Variants in LINC00305 observed in about 807,000 individuals in gnomAD.
LINC00305 encodes long independently transcribed non-coding RNA 305.
intron 3 of LINC00305, among the ~76,000 whole-genome samples, chr18:64,095,775 C>T (rs563633260): frequency 2.8e-4 from 43 of 152,094 alleles, no homozygotes; most frequent in African/African-American, 9.6e-4. Context: ...TCGATATATA[C>T]ATAATCAATG....
chr18:64,146,242 C>T (rs771004116), intron 1 of LINC00305, among the ~76,000 whole-genome samples: 2 of 152,078 alleles, frequency 1.3e-5, no homozygotes, highest in Admixed American at 6.6e-5. Flanking sequence ...TCCACCATAG[C>T]ACAGATTGTT....
At chr18:64,099,788 A>C (rs2144238962) in intron 1 of LINC00305, among the ~76,000 whole-genome samples, 1 of 152,250 alleles carries the variant, frequency 6.6e-6, no homozygotes, top group African/African-American at 2.4e-5. Flanking sequence ...ACATCCTTCA[A>C]GTTGTGAGTT....
At chr18:64,116,243 C>T (rs1279973039) in intron 1 of LINC00305, among the ~76,000 whole-genome samples, 2 of 152,150 alleles carry the variant, frequency 1.3e-5, no homozygotes, top group African/African-American at 4.8e-5. Flanking sequence ...AATCAGTTTA[C>T]AACATACAGA....
intron 1 of LINC00305, among the ~76,000 whole-genome samples, chr18:64,104,439 G>A (rs1380991761): frequency 6.6e-6 from 1 of 152,198 alleles, no homozygotes; most frequent in Non-Finnish European, 1.5e-5. Context: ...TGAAATGTAA[G>A]CATCCATAGA....
At chr18:64,080,009 A>G (rs898661781) in exon 4 of LINC00305, 2 of 157,716 alleles carry the variant, frequency 1.3e-5, no homozygotes, top group Non-Finnish European at 2.8e-5. Flanking sequence ...GAAGAACAAG[A>G]AAGTTAAACA....
At chr18:64,105,847 A>T (rs2051288154) in intron 1 of LINC00305, among the ~76,000 whole-genome samples, 1 of 152,244 alleles carries the variant, frequency 6.6e-6, no homozygotes, top group Admixed American at 6.5e-5. Context: ...CACAATTTCC[A>T]GTAACTCACA....
chr18:64,097,693 A>G (rs1466129077), intron 3 of LINC00305: 1 of 315,548 alleles, frequency 3.2e-6, no homozygotes, highest in Non-Finnish European at 6.3e-6. Flanking sequence ...GATTGCAAAA[A>G]AAGTAAAATT....
chr18:64,107,575 A>G (rs1451945974), intron 1 of LINC00305, among the ~76,000 whole-genome samples: 3 of 152,186 alleles, frequency 2.0e-5, no homozygotes, highest in Non-Finnish European at 4.4e-5. Context: ...ATGAATGGAC[A>G]AAAGTCCTCT....
intron 1 of LINC00305, among the ~76,000 whole-genome samples, chr18:64,128,269 T>C (rs1801492238): frequency 6.6e-6 from 1 of 152,102 alleles, no homozygotes; most frequent in African/African-American, 2.4e-5. Context: ...AGAAAGAGCC[T>C]AGCTATTCAT....
intron 1 of LINC00305, among the ~76,000 whole-genome samples, chr18:64,107,724 G>C (rs1157518893): frequency 6.6e-6 from 1 of 152,146 alleles, no homozygotes; most frequent in African/African-American, 2.4e-5. Context: ...TGTTAATTTG[G>C]CCAGAAGAAG....
chr18:64,122,350 G>A (rs1311878733), intron 1 of LINC00305, among the ~76,000 whole-genome samples: 1 of 151,922 alleles, frequency 6.6e-6, no homozygotes, highest in African/African-American at 2.4e-5. Context: ...TTCATCTTAA[G>A]TTGATTTTTG....
At chr18:64,113,200 G>A (rs2051322795) in intron 1 of LINC00305, among the ~76,000 whole-genome samples, 1 of 152,216 alleles carries the variant, frequency 6.6e-6, no homozygotes, top group Non-Finnish European at 1.5e-5. Context: ...AGAGGGACGA[G>A]GGAACTACAT....
At chr18:64,144,068 AT>A (rs948270343) in intron 1 of LINC00305, among the ~76,000 whole-genome samples, 1 of 152,152 alleles carries the variant, frequency 6.6e-6, no homozygotes, top group African/African-American at 2.4e-5. Flanking sequence ...TCTTTATCAA[AT>A]TCTTTTTATG....
intron 3 of LINC00305, among the ~76,000 whole-genome samples, chr18:64,083,646 C>T (rs1357405049): frequency 1.3e-5 from 2 of 152,078 alleles, no homozygotes; most frequent in African/African-American, 2.4e-5. Flanking sequence ...AAAAGGAGCA[C>T]GGGCCCCTTT....
At chr18:64,111,697 C>T (rs910888926) in intron 1 of LINC00305, among the ~76,000 whole-genome samples, 4 of 152,146 alleles carry the variant, frequency 2.6e-5, no homozygotes, top group Non-Finnish European at 5.9e-5. Context: ...TGGTGGATGG[C>T]TGGGTCCCTG....
At chr18:64,138,544 A>G (rs1413740045) in intron 1 of LINC00305, among the ~76,000 whole-genome samples, 1 of 152,226 alleles carries the variant, frequency 6.6e-6, no homozygotes, top group East Asian at 1.9e-4. Flanking sequence ...ATTTCTTCAC[A>G]GTCCATAACA....
chr18:64,093,502 TTTTTGTG>T (rs1333261886), intron 3 of LINC00305, among the ~76,000 whole-genome samples: 1 of 152,100 alleles, frequency 6.6e-6, no homozygotes, highest in Non-Finnish European at 1.5e-5. Context: ...GCCCGGCTAA[TTTTTGTG>T]TTTTTATAGA....
At position 64,114,555 on chromosome 18, in the gene LINC00305, G is replaced by T. The variant is rs531682720; in HGVS notation, n.315-15915C>A. On this transcript the variant is annotated intron_variant and non_coding_transcript_variant, in intron 1 of 3. Transcript: ENST00000666468. ...TTCATTTATTTTATGGGTTTTGTTT[G>T]TTGGTTTGTTTGAGATGGAGTCTCC... is the stretch of plus-strand genomic sequence containing the variant. Among the ~76,000 whole-genome samples the T allele has an allele frequency of 2.0e-4, 30 of 152,252 alleles. 1 individual carries two copies. The South Asian group carries it at 4.6e-3, about 23-fold the overall frequency.
chr18:64,114,574 A>G (rs2051329543), intron 1 of LINC00305, among the ~76,000 whole-genome samples: 1 of 152,110 alleles, frequency 6.6e-6, no homozygotes, highest in Non-Finnish European at 1.5e-5. Context: ...TTTGAGATGG[A>G]GTCTCCCTCT....
Sources: allele counts gnomAD v4.1 joint callset (sites outside exome capture counted in the v4.1 genomes callset), GRCh38; gene constraint gnomAD v4.1.1; transcripts MANE v1.5; gene names NCBI Gene and HGNC (gene_info 2026-07-23, HGNC 2026-07-21).